DIP2C: variants seen among roughly 807,000 people sequenced by gnomAD.
DIP2C encodes the protein DIP2 acetate--CoA ligase C (putative).
In DIP2C, 33 loss-of-function variants were observed where a neutral mutation model predicts 192.4. That is an observed-to-expected ratio of 0.17 (90% CI 0.13 to 0.23). The LOEUF is 0.23. Ranked by LOEUF, DIP2C falls within the 10% of genes least tolerant of loss-of-function variation. The pLI, the probability that DIP2C is intolerant of heterozygous loss-of-function variation, is 1.00. For synonymous variants in DIP2C, 979 were observed against 864.1 expected (o/e 1.13, Z -2.33); for missense variants, 1,537 against 2,110.1 (o/e 0.73, Z 5.32).
At chr10:490,868 G>T (rs149560919) in intron 1 of DIP2C, among the ~76,000 whole-genome samples, 27 of 152,292 alleles carry the variant, frequency 1.8e-4, no homozygotes, top group African/African-American at 6.5e-4. Context: ...TCCTACTTTG[G>T]AAGTGAAAAC....
chr10:545,167 T>TG (rs1564836048), intron 1 of DIP2C, among the ~76,000 whole-genome samples: 1 of 30,430 alleles, frequency 3.3e-5, no homozygotes, highest in East Asian at 4.1e-4. Context: ...GTGTTTTCCC[T>TG]TTTTTTTTTT....
At chr10:582,152 C>T (rs976862781) in intron 1 of DIP2C, among the ~76,000 whole-genome samples, 10 of 152,206 alleles carry the variant, frequency 6.6e-5, no homozygotes, top group Non-Finnish European at 1.5e-4. Flanking sequence ...GCCACCCACC[C>T]CCTGCTACAA....
chr10:449,935 AAG>A lies in DIP2C; in HGVS notation c.269-8941_269-8940del, dbSNP rs1491522546. Among the ~76,000 whole-genome samples the A allele has an allele frequency of 7.1e-3, 1,024 of 145,124 alleles. 11 individuals are homozygous for A. Among genetic ancestry groups the A allele is most frequent in the African/African-American group, 0.028 (968 of 35,192 alleles). On this transcript the variant is annotated intron_variant, in intron 3 of 36. Coordinates refer to ENST00000280886, the MANE Select transcript of DIP2C (RefSeq NM_014974.3). ...TCAACAACAACAAAAAAAAAAAAAAAAGAAAATCTGAGAACAAGATATCATTG... is the reference window on the plus strand; with the variant it reads ...TCAACAACAACAAAAAAAAAAAAAAAAAAATCTGAGAACAAGATATCATTG...
chr10:671,038 C>T (rs1830607755), intron 1 of DIP2C, among the ~76,000 whole-genome samples: 1 of 152,226 alleles, frequency 6.6e-6, no homozygotes, highest in African/African-American at 2.4e-5. Flanking sequence ...GGATCTGCCC[C>T]GAGGCCGCTT....
At chr10:442,750 T>C (rs1475731743) in intron 3 of DIP2C, among the ~76,000 whole-genome samples, 4 of 152,228 alleles carry the variant, frequency 2.6e-5, no homozygotes, top group African/African-American at 9.6e-5. Flanking sequence ...CACAAGAATA[T>C]TCTCTCACAT....
chr10:485,110 C>G (rs1453213234), intron 2 of DIP2C, among the ~76,000 whole-genome samples: 1 of 152,268 alleles, frequency 6.6e-6, no homozygotes, highest in Admixed American at 6.5e-5. Context: ...GCCAGGGCCA[C>G]CGCGGGAGGC....
At chr10:491,430 C>G (rs1490938791) in intron 1 of DIP2C, among the ~76,000 whole-genome samples, 1 of 152,216 alleles carries the variant, frequency 6.6e-6, no homozygotes, top group Non-Finnish European at 1.5e-5. Context: ...CCAGGAGGCC[C>G]CGGAAGGCAA....
chr10:342,401 A>ACC (rs1215489057), intron 28 of DIP2C, among the ~76,000 whole-genome samples: 1 of 151,686 alleles, frequency 6.6e-6, no homozygotes, highest in Admixed American at 6.6e-5. Context: ...CTCGTGATCC[A>ACC]CCCGCCTCGG....
chr10:597,564 G>A (rs766621953), intron 1 of DIP2C, among the ~76,000 whole-genome samples: 4 of 152,246 alleles, frequency 2.6e-5, no homozygotes, highest in Non-Finnish European at 5.9e-5. Flanking sequence ...GTGCACTAAC[G>A]CTGTCACTAT....
At chr10:463,171 A>C (rs1208628165) in intron 3 of DIP2C, among the ~76,000 whole-genome samples, 2 of 152,240 alleles carry the variant, frequency 1.3e-5, no homozygotes, top group African/African-American at 4.8e-5. Context: ...AAGAGAAAGA[A>C]AGAAAGGGTA....
chr10:446,886 G>C (rs1434059845), intron 3 of DIP2C, among the ~76,000 whole-genome samples: 2 of 152,160 alleles, frequency 1.3e-5, no homozygotes, highest in Non-Finnish European at 2.9e-5. Flanking sequence ...ATTTTTGAAT[G>C]ATGAGCCAAG....
chr10:324,480 G>A (rs948034054), intron 31 of DIP2C, among the ~76,000 whole-genome samples: 1 of 152,206 alleles, frequency 6.6e-6, no homozygotes, highest in African/African-American at 2.4e-5. Context: ...ATTTCTCTCT[G>A]CTGGTAGACA....
At chr10:287,422 G>A (rs531479702) in intron 33 of DIP2C, among the ~76,000 whole-genome samples, 1 of 152,106 alleles carries the variant, frequency 6.6e-6, no homozygotes, top group Admixed American at 6.5e-5. Flanking sequence ...AACACAGAAC[G>A]TCTTGGAATA....
At chr10:585,697 C>T (rs901202169) in intron 1 of DIP2C, among the ~76,000 whole-genome samples, 1 of 152,194 alleles carries the variant, frequency 6.6e-6, no homozygotes, top group Admixed American at 6.5e-5. Context: ...GGAACCACCA[C>T]TCTGCTCTCT....
intron 1 of DIP2C, among the ~76,000 whole-genome samples, chr10:529,689 G>A (rs1224450289): frequency 6.6e-6 from 1 of 152,192 alleles, no homozygotes; most frequent in Admixed American, 6.5e-5. Flanking sequence ...CACATGGGCT[G>A]GATAGCTCAC....
At chr10:541,433 G>A (rs989565554) in intron 1 of DIP2C, among the ~76,000 whole-genome samples, 7 of 149,174 alleles carry the variant, frequency 4.7e-5, no homozygotes, top group African/African-American at 1.5e-4. Flanking sequence ...CCCTCCACCC[G>A]ACCACACCCG....
intron 1 of DIP2C, among the ~76,000 whole-genome samples, chr10:568,659 G>A (rs112463933): frequency 0.055 from 8,269 of 150,978 alleles, 275 homozygotes; most frequent in Admixed American, 0.083. Flanking sequence ...CCAGCTACTC[G>A]GGAGGCTGAG....
At chr10:345,226 G>C in intron 26 of DIP2C, 116 bp from the exon 27 acceptor site, 9 of 1,054,592 alleles carry the variant, frequency 8.5e-6, no homozygotes, top group Non-Finnish European at 1.3e-5. Flanking sequence ...TTAACGGGCA[G>C]ATGAGGTTAC....
chr10:371,702 G>C (rs940966286), intron 17 of DIP2C, among the ~76,000 whole-genome samples: 7 of 150,584 alleles, frequency 4.6e-5, no homozygotes, highest in East Asian at 1.9e-4. Context: ...AGGCTGGGGT[G>C]AGGCCTGGGC....
Sources: gnomAD v4.1 joint callset for allele counts (sites outside exome capture counted in the v4.1 genomes callset) on GRCh38, gnomAD v4.1.1 for gene constraint, MANE v1.5 for transcripts, NCBI Gene and HGNC (gene_info 2026-07-23, HGNC 2026-07-21) for gene names.